DPP10: variants seen among roughly 807,000 people sequenced by gnomAD.
The protein encoded by DPP10 is dipeptidyl peptidase like 10.
In DPP10, 33 loss-of-function variants were observed where a neutral mutation model predicts 120.9. That is an observed-to-expected ratio of 0.27 (90% CI 0.21 to 0.37). DPP10 has a LOEUF of 0.37. DPP10 is among the 10% of genes least tolerant of loss of function. The pLI, the probability that DPP10 is intolerant of heterozygous loss-of-function variation, is 1.00. For synonymous variants in DPP10, 337 were observed against 326.1 expected (o/e 1.03, Z -0.36); for missense variants, 816 against 942.8 (o/e 0.87, Z 1.76).
chr2:115,488,891 A>AAG (rs1437415155), intron 3 of DPP10, among the ~76,000 whole-genome samples: 8 of 151,436 alleles, frequency 5.3e-5, no homozygotes, highest in African/African-American at 1.9e-4. Context: ...AAAAAAAAAA[A>AAG]AAAAAAAAAT....
chr2:115,470,926 G>A (rs1308772438), intron 3 of DPP10, among the ~76,000 whole-genome samples: 1 of 152,072 alleles, frequency 6.6e-6, no homozygotes, highest in African/African-American at 2.4e-5. Context: ...ACTATCTGCA[G>A]CTCTTGGACA....
intron 21 of DPP10, among the ~76,000 whole-genome samples, chr2:115,824,352 G>A (rs754362124): frequency 7.2e-5 from 11 of 152,068 alleles, no homozygotes; most frequent in Non-Finnish European, 1.5e-4. Context: ...CGTGCAGAAT[G>A]TGCAGGTTTG....
chr2:114,940,327 G>T (rs1696798947), intron 1 of DPP10, among the ~76,000 whole-genome samples: 1 of 152,080 alleles, frequency 6.6e-6, no homozygotes, highest in South Asian at 2.1e-4. Context: ...ATCTTGTTAT[G>T]TTCCGATTGC....
At chr2:115,706,807 T>G (rs185929292) in intron 7 of DPP10, among the ~76,000 whole-genome samples, 1 of 152,032 alleles carries the variant, frequency 6.6e-6, no homozygotes, top group African/African-American at 2.4e-5. Flanking sequence ...GTTCAGTACT[T>G]TAGTGATTTA....
chr2:114,781,405 G>A (rs567686215), intron 1 of DPP10, among the ~76,000 whole-genome samples: 1 of 152,224 alleles, frequency 6.6e-6, no homozygotes, highest in East Asian at 1.9e-4. Flanking sequence ...ATCCATGGAT[G>A]GTGGGATTCA....
rs555576870 is a variant in DPP10, at chr2:115,373,619, A to G, written c.271+29707A>G. ...AAAGGAAGAATGTTTTCAAAAGAGC[A>G]TAGTCAATAGGAGTAGATAGTCCAT... On this transcript the variant is annotated intron_variant, in intron 3 of 25. Transcript: ENST00000410059. 2.3e-4 allele frequency among the ~76,000 whole-genome samples: 35 copies of G among 152,242 alleles called. 1 individual carries two copies. In the Middle Eastern group the frequency reaches 0.01, roughly 44 times the overall value.
At chr2:114,966,103 T>C (rs13013680) in intron 1 of DPP10, among the ~76,000 whole-genome samples, 39,060 of 151,532 alleles carry the variant, frequency 0.26, 5,077 homozygotes, top group East Asian at 0.36. Flanking sequence ...ATACAGAAGA[T>C]ATCCCGGGGA....
At chr2:115,139,639 G>A (rs1035774133) in intron 1 of DPP10, among the ~76,000 whole-genome samples, 3 of 146,344 alleles carry the variant, frequency 2.0e-5, no homozygotes, top group Middle Eastern at 7.6e-3. Context: ...TGGGCCAGAG[G>A]TGAAAAGCAG....
chr2:115,676,680 A>G (rs550565437), intron 5 of DPP10, among the ~76,000 whole-genome samples: 2 of 152,204 alleles, frequency 1.3e-5, no homozygotes, highest in African/African-American at 4.8e-5. Context: ...ATGAAGCAGG[A>G]CTACGGGACG....
chr2:114,889,436 A>G (rs1692354881), intron 1 of DPP10, among the ~76,000 whole-genome samples: 1 of 151,308 alleles, frequency 6.6e-6, no homozygotes, highest in East Asian at 1.9e-4. Flanking sequence ...AAATATATAC[A>G]TATATATATT....
At chr2:115,830,930 CCT>C (rs1688853716) in intron 21 of DPP10, among the ~76,000 whole-genome samples, 2 of 152,032 alleles carry the variant, frequency 1.3e-5, no homozygotes, top group Admixed American at 1.3e-4. Context: ...TGAGGGAGGG[CCT>C]CTCAGTGTTT....
chr2:114,471,911 G>A (rs761108431), intron 1 of DPP10, among the ~76,000 whole-genome samples: 4 of 152,182 alleles, frequency 2.6e-5, no homozygotes, highest in Non-Finnish European at 5.9e-5. Context: ...CAAACCACAG[G>A]ATTGGTAGGA....
intron 1 of DPP10, among the ~76,000 whole-genome samples, chr2:115,079,175 TCGAGACCATCCTGG>T (rs1442823393): frequency 6.6e-6 from 1 of 151,990 alleles, no homozygotes; most frequent in East Asian, 1.9e-4. Flanking sequence ...GGTCAGGAGA[TCGAGACCATCCTGG>T]CTAACGCGGT....
chr2:114,525,607 G>T (rs971020619), intron 1 of DPP10, among the ~76,000 whole-genome samples: 1 of 152,134 alleles, frequency 6.6e-6, no homozygotes, highest in African/African-American at 2.4e-5. Context: ...AGTGAAAGAG[G>T]CCTAGTTTTC....
intron 1 of DPP10, among the ~76,000 whole-genome samples, chr2:114,764,337 A>C (rs72830393): frequency 0.022 from 2,987 of 134,720 alleles, 40 homozygotes; most frequent in Middle Eastern, 0.039. Context: ...TTTCTTGCTG[A>C]GTTATTTTGA....
chr2:115,780,236 A>C (rs1161469200), intron 15 of DPP10, among the ~76,000 whole-genome samples: 1 of 151,960 alleles, frequency 6.6e-6, no homozygotes, highest in Non-Finnish European at 1.5e-5. Context: ...AAGCACCACT[A>C]TTGTAAAATA....
intron 1 of DPP10, among the ~76,000 whole-genome samples, chr2:114,513,083 A>G (rs1684282258): frequency 6.6e-6 from 1 of 152,190 alleles, no homozygotes. Context: ...AAGTTGCTCC[A>G]TAATTTACAA....
intron 1 of DPP10, among the ~76,000 whole-genome samples, chr2:115,081,047 A>AT (rs1708233596): frequency 6.6e-6 from 1 of 151,968 alleles, no homozygotes; most frequent in Non-Finnish European, 1.5e-5. Context: ...CTTTCTTAAG[A>AT]TTTTTTTCTC....
chr2:114,464,831 C>A (rs948550579), intron 1 of DPP10, among the ~76,000 whole-genome samples: 2 of 152,156 alleles, frequency 1.3e-5, no homozygotes, highest in African/African-American at 4.8e-5. Flanking sequence ...TGCCACTGCA[C>A]TCCACCCTGG....
Sources: gnomAD v4.1 joint callset for allele counts (sites outside exome capture counted in the v4.1 genomes callset) on GRCh38, gnomAD v4.1.1 for gene constraint, MANE v1.5 for transcripts, NCBI Gene and HGNC (gene_info 2026-07-23, HGNC 2026-07-21) for gene names.